The following IQCM variants were observed in gnomAD, a reference collection of about 807,000 sequenced individuals.
IQCM encodes IQ domain-containing protein M.
In IQCM, 45 loss-of-function variants were observed where a neutral mutation model predicts 57.6. That is an observed-to-expected ratio of 0.78 (90% confidence interval 0.62 to 1.00). The LOEUF is 1.00. Among genes scored for constraint, IQCM ranks in the 50% least tolerant of loss-of-function variants. The pLI, the probability that IQCM is intolerant of heterozygous loss-of-function variation, is 0.00. For synonymous variants in IQCM, 148 were observed against 158.9 expected, an observed-to-expected ratio of 0.93 and a Z score of 0.51; for missense variants, 468 against 511.6, an observed-to-expected ratio of 0.91 and a Z score of 0.82.
At chr4:149,606,096 A>T (rs1285698606) in intron 8 of IQCM, among the ~76,000 whole-genome samples, 3 of 152,150 alleles carry the variant, frequency 2.0e-5, no homozygotes, top group Non-Finnish European at 4.4e-5. Context: ...AAGAGGAAGC[A>T]AGGCAGTATT....
intron 2 of IQCM, among the ~76,000 whole-genome samples, chr4:149,775,051 A>G (rs1025446411): frequency 6.6e-6 from 1 of 151,364 alleles, no homozygotes; most frequent in Admixed American, 6.6e-5. Flanking sequence ...AAAAAAAAAA[A>G]AAAAAAAAAA....
intron 7 of IQCM, among the ~76,000 whole-genome samples, chr4:149,670,510 C>T (rs1044937667): frequency 3.3e-5 from 5 of 152,128 alleles, no homozygotes. Context: ...ACTTCCAACA[C>T]TACGTTGAAT....
At chr4:149,540,824 T>C (rs905210092) in intron 12 of IQCM, among the ~76,000 whole-genome samples, 16 of 152,138 alleles carry the variant, frequency 1.1e-4, no homozygotes, top group African/African-American at 3.9e-4. Context: ...AACATAAAGT[T>C]GCCAGTGTTC....
chr4:149,596,462 T>A (rs1174493102), intron 8 of IQCM, among the ~76,000 whole-genome samples: 7 of 152,090 alleles, frequency 4.6e-5, no homozygotes, highest in Non-Finnish European at 7.4e-5. Context: ...TAGGTTTTAA[T>A]GACCTGCATG....
chr4:149,747,928 A>T (rs189488055), intron 2 of IQCM, among the ~76,000 whole-genome samples: 6 of 152,348 alleles, frequency 3.9e-5, no homozygotes, highest in African/African-American at 7.2e-5. Flanking sequence ...AGAGTCTAGG[A>T]GCACTGTGAT....
At chr4:149,488,473 A>G (rs1741752922) in intron 12 of IQCM, among the ~76,000 whole-genome samples, 1 of 152,196 alleles carries the variant, frequency 6.6e-6, no homozygotes, top group African/African-American at 2.4e-5. Flanking sequence ...GTTTATCATC[A>G]TATAAATTTC....
chr4:149,379,138 A>G (rs1282600260), intron 13 of IQCM, among the ~76,000 whole-genome samples: 1 of 152,172 alleles, frequency 6.6e-6, no homozygotes. Flanking sequence ...ATGTATGGAA[A>G]CGCCTGGATG....
intron 12 of IQCM, among the ~76,000 whole-genome samples, chr4:149,515,773 G>A (rs563519579): frequency 1.3e-5 from 2 of 152,302 alleles, no homozygotes; most frequent in African/African-American, 4.8e-5. Flanking sequence ...CAATGGTTTG[G>A]CTGGATGGTC....
At chr4:149,688,364 A>G (rs1762699953) in intron 5 of IQCM, among the ~76,000 whole-genome samples, 1 of 151,934 alleles carries the variant, frequency 6.6e-6, no homozygotes, top group Admixed American at 6.6e-5. Context: ...GCTGCAAACA[A>G]AAAATAAAAT....
At chr4:149,702,955 G>T (rs1442274851) in intron 5 of IQCM, among the ~76,000 whole-genome samples, 1 of 151,858 alleles carries the variant, frequency 6.6e-6, no homozygotes, top group Admixed American at 6.6e-5. Context: ...CAAATATTCT[G>T]ACAAGAAATC....
intron 2 of IQCM, among the ~76,000 whole-genome samples, chr4:149,788,959 TAG>T (rs1184854250): frequency 3.3e-5 from 5 of 151,874 alleles, no homozygotes; most frequent in Admixed American, 2.0e-4. Context: ...CTCATGGAGG[TAG>T]AGAGTAGAAT....
intron 9 of IQCM, among the ~76,000 whole-genome samples, chr4:149,572,240 C>T (rs894982260): frequency 2.0e-5 from 3 of 151,816 alleles, no homozygotes; most frequent in Non-Finnish European, 4.4e-5. Flanking sequence ...CTGGATAAAA[C>T]AATATCTATT....
intron 7 of IQCM, among the ~76,000 whole-genome samples, chr4:149,630,157 A>T (rs1221106278): frequency 6.6e-6 from 1 of 152,240 alleles, no homozygotes; most frequent in Non-Finnish European, 1.5e-5. Flanking sequence ...TCCTGATGAC[A>T]AGTCTATCAA....
intron 12 of IQCM, among the ~76,000 whole-genome samples, chr4:149,446,747 C>T (rs1736554225): frequency 6.6e-6 from 1 of 151,468 alleles, no homozygotes; most frequent in Non-Finnish European, 1.5e-5. Flanking sequence ...TTCATTAGAA[C>T]ATTTCATTAA....
chr4:149,394,377 A>T lies in IQCM; in HGVS notation c.1390+39019T>A, dbSNP rs187911754. 4.3e-3 allele frequency among the ~76,000 whole-genome samples: 648 copies of T among 152,096 alleles called. 1 individual carries two copies. The highest frequency in any genetic ancestry group is 0.017 in the Middle Eastern group (5 of 294). On this transcript the variant is annotated intron_variant, in intron 13 of 13. Coordinates refer to ENST00000636793, the MANE Select transcript of IQCM (RefSeq NM_001363507.2). ...TTCTTATATTTTGTTCCCAATTTTT[A>T]AAAATCTGTTGTGTACTTCATCATT...
At chr4:149,647,155 T>TATCTAC (rs1383344358) in intron 7 of IQCM, among the ~76,000 whole-genome samples, 1 of 152,180 alleles carries the variant, frequency 6.6e-6, no homozygotes, top group Non-Finnish European at 1.5e-5. Context: ...AGTGATATTG[T>TATCTAC]AGATACTAAA....
chr4:149,695,269 G>A (rs1012538933), intron 5 of IQCM, among the ~76,000 whole-genome samples: 4 of 152,168 alleles, frequency 2.6e-5, no homozygotes, highest in Non-Finnish European at 4.4e-5. Flanking sequence ...CAGGCAGTCT[G>A]CTAGGCACTA....
chr4:149,535,686 T>A (rs1747221201), intron 12 of IQCM, among the ~76,000 whole-genome samples: 1 of 152,104 alleles, frequency 6.6e-6, no homozygotes, highest in African/African-American at 2.4e-5. Flanking sequence ...CAGAATTTAA[T>A]CAGATTCTCT....
intron 12 of IQCM, among the ~76,000 whole-genome samples, chr4:149,434,955 A>T (rs1735207995): frequency 6.6e-6 from 1 of 151,950 alleles, no homozygotes; most frequent in Non-Finnish European, 1.5e-5. Context: ...TTTGCCCCAG[A>T]TCTCCAGAGT....
Sources: allele counts gnomAD v4.1 joint callset (sites outside exome capture counted in the v4.1 genomes callset), GRCh38; gene constraint gnomAD v4.1.1; transcripts MANE v1.5; gene names NCBI Gene and HGNC (gene_info 2026-07-23, HGNC 2026-07-21).